Variants in CSMD1 observed in about 807,000 individuals in gnomAD.
CSMD1 encodes CUB and Sushi multiple domains 1.
A neutral mutation model predicts 417.5 loss-of-function variants in CSMD1; 213 were observed. The ratio of observed to expected loss-of-function variants is 0.51; its 90% CI spans 0.46 to 0.57. The LOEUF (loss-of-function observed/expected upper bound fraction) is 0.57. Ranked by LOEUF, CSMD1 falls within the 20% of genes least tolerant of loss-of-function variation. The pLI is 0.00. For missense variants in CSMD1, 6,923 were observed against 4,529.7 expected (o/e 1.53, Z -15.17); for synonymous variants, 2,862 against 1,736.8 (o/e 1.65, Z -16.11).
In CSMD1 at chr8:4,188,407, G is replaced by C. The variant is rs549991175; in HGVS notation, c.416-156308C>G. On this transcript the variant is annotated intron_variant, in intron 3 of 69. Transcript: ENST00000635120. ...ACAACACAGGAAACATTCGTATATT[G>C]CCTCAGATTATTTCGGCAGATACAA... Among the ~76,000 whole-genome samples, 6 of 152,138 alleles carry C rather than the reference G, an allele frequency of 3.9e-5. No individual in the cohort carries two copies. The East Asian group carries it at 1.2e-3, about 29-fold the overall frequency.
chr8:4,352,278 G>T (rs979399901), intron 3 of CSMD1, among the ~76,000 whole-genome samples: 1 of 152,066 alleles, frequency 6.6e-6, no homozygotes, highest in Non-Finnish European at 1.5e-5. Flanking sequence ...TGCTCATGAG[G>T]GTTCTTCCAG....
At position 3,396,132 on chromosome 8, in the gene CSMD1, C is replaced by T. The variant is rs559256913; in HGVS notation, c.2593+62G>A. 6.4e-6 allele frequency: 9 copies of T among 1,416,900 alleles called. No homozygotes were observed. In the African/African-American group the frequency reaches 1.3e-4, roughly 20 times the overall value. 87.8% of individuals were successfully genotyped at this position (1,416,900 alleles called of 1,614,324 possible). ...CATCTGCAGGCTGGAAATAAGAACC[C>T]AGATCTTTAGTTCTCCCATGCATGC... On this transcript the variant is annotated intron_variant, in intron 17 of 69. Transcript: ENST00000635120.
intron 1 of CSMD1, among the ~76,000 whole-genome samples, chr8:4,827,233 G>C (rs1004106539): frequency 6.6e-6 from 1 of 152,016 alleles, no homozygotes; most frequent in Non-Finnish European, 1.5e-5. Flanking sequence ...TTTTTCACAG[G>C]TATTTTTGTA....
intron 1 of CSMD1, among the ~76,000 whole-genome samples, chr8:4,979,751 T>A (rs1315866570): frequency 2.6e-5 from 4 of 152,162 alleles, no homozygotes; most frequent in African/African-American, 9.7e-5. Context: ...ACATATTAAC[T>A]AGTTGGCCAC....
chr8:3,889,451 CCA>C (rs1491502384), intron 5 of CSMD1, among the ~76,000 whole-genome samples: 18 of 47,040 alleles, frequency 3.8e-4, no homozygotes, highest in Admixed American at 6.1e-4. Flanking sequence ...TCTGATCTTT[CCA>C]TATATATATA....
chr8:4,443,899 T>C (rs1798626820), intron 2 of CSMD1, among the ~76,000 whole-genome samples: 1 of 152,178 alleles, frequency 6.6e-6, no homozygotes, highest in Admixed American at 6.5e-5. Context: ...TTTCATCACA[T>C]CTACAGGAGT....
intron 2 of CSMD1, among the ~76,000 whole-genome samples, chr8:4,551,758 C>T (rs1251430649): frequency 6.6e-6 from 1 of 152,078 alleles, no homozygotes; most frequent in Non-Finnish European, 1.5e-5. Flanking sequence ...AATCATAGCT[C>T]ACTGCAACCT....
At chr8:3,427,564 C>T (rs1186640709) in intron 12 of CSMD1, among the ~76,000 whole-genome samples, 1 of 152,056 alleles carries the variant, frequency 6.6e-6, no homozygotes, top group Non-Finnish European at 1.5e-5. Flanking sequence ...TGGAAATAAT[C>T]ATATTTCAAA....
chr8:3,768,496 T>C (rs968595655), intron 5 of CSMD1, among the ~76,000 whole-genome samples: 11 of 152,142 alleles, frequency 7.2e-5, no homozygotes, highest in African/African-American at 1.2e-4. Flanking sequence ...GTTTATGCCA[T>C]AAACAAGAAT....
At chr8:4,162,698 C>T (rs1449684234) in intron 3 of CSMD1, among the ~76,000 whole-genome samples, 6 of 152,122 alleles carry the variant, frequency 3.9e-5, no homozygotes, top group Non-Finnish European at 4.4e-5. Flanking sequence ...TATCAACATC[C>T]CACGCCAGAG....
At chr8:3,823,100 G>A (rs1168058486) in intron 5 of CSMD1, among the ~76,000 whole-genome samples, 2 of 152,154 alleles carry the variant, frequency 1.3e-5, no homozygotes, top group Non-Finnish European at 2.9e-5. Flanking sequence ...GGGATCTCAT[G>A]GCCCTTTCAT....
intron 1 of CSMD1, among the ~76,000 whole-genome samples, chr8:4,800,352 A>G (rs1373307302): frequency 6.6e-6 from 1 of 151,050 alleles, no homozygotes; most frequent in Non-Finnish European, 1.5e-5. Context: ...GATTTCTTGA[A>G]CCTGGGAGGT....
intron 3 of CSMD1, among the ~76,000 whole-genome samples, chr8:4,332,228 C>T (rs996104671): frequency 3.9e-5 from 6 of 152,168 alleles, no homozygotes; most frequent in Admixed American, 2.6e-4. Flanking sequence ...CCTCACGAAG[C>T]TAACGCTAGC....
intron 38 of CSMD1, among the ~76,000 whole-genome samples, chr8:3,159,820 A>C (rs1343891186): frequency 6.6e-6 from 1 of 152,244 alleles, no homozygotes; most frequent in Non-Finnish European, 1.5e-5. Flanking sequence ...ATAATCCATT[A>C]TAAGAAATTT....
chr8:3,405,839 G>A (rs939008953), intron 15 of CSMD1, among the ~76,000 whole-genome samples, 188 bp downstream of exon 15: 1 of 152,198 alleles, frequency 6.6e-6, no homozygotes, highest in African/African-American at 2.4e-5. Context: ...CCCTGCCGAT[G>A]ACACCTGGAT....
At chr8:3,544,272 C>T (rs141059693) in intron 10 of CSMD1, among the ~76,000 whole-genome samples, 6 of 152,198 alleles carry the variant, frequency 3.9e-5, no homozygotes, top group Non-Finnish European at 5.9e-5. Flanking sequence ...GAAAAAAGAG[C>T]GTTCTTAATT....
At chr8:3,110,799 C>G (rs754722381) in intron 42 of CSMD1, among the ~76,000 whole-genome samples, 1 of 152,140 alleles carries the variant, frequency 6.6e-6, no homozygotes, top group Non-Finnish European at 1.5e-5. Context: ...ATTATCAATT[C>G]TTTACAGATC....
intron 2 of CSMD1, among the ~76,000 whole-genome samples, chr8:4,612,564 C>A (rs947849167): frequency 6.6e-6 from 1 of 152,246 alleles, no homozygotes; most frequent in African/African-American, 2.4e-5. Flanking sequence ...ACTGGAGGAA[C>A]AGTGGAATGA....
At chr8:3,648,960 C>A (rs1797714101) in intron 7 of CSMD1, among the ~76,000 whole-genome samples, 1 of 152,200 alleles carries the variant, frequency 6.6e-6, no homozygotes, top group East Asian at 1.9e-4. Context: ...GTAATGTACC[C>A]AGCCCTGTGC....
Sources: allele counts gnomAD v4.1 joint callset (sites outside exome capture counted in the v4.1 genomes callset), GRCh38; gene constraint gnomAD v4.1.1; transcripts MANE v1.5; gene names NCBI Gene and HGNC (gene_info 2026-07-23, HGNC 2026-07-21).